Variants in PCDH15 observed in about 807,000 individuals in gnomAD.
PCDH15 encodes protocadherin related 15.
Under a neutral mutation model 178.5 loss-of-function variants are expected in PCDH15, and 129 were observed. That is an observed-to-expected ratio of 0.72 (90% CI 0.63 to 0.84). The LOEUF (loss-of-function observed/expected upper bound fraction) is 0.84. PCDH15 is among the 40% of genes least tolerant of loss of function. The probability of loss-of-function intolerance (pLI) is 0.00; values close to 1 mark genes in which losing one functional copy is unlikely to be tolerated. For missense variants in PCDH15, 2,230 were observed against 2,099.9 expected (o/e 1.06, Z -1.21); for synonymous variants, 800 against 732.0 (o/e 1.09, Z -1.50).
At chr10:54,332,900 T>C (rs745372978) in intron 6 of PCDH15, among the ~76,000 whole-genome samples, 1 of 152,224 alleles carries the variant, frequency 6.6e-6, no homozygotes, top group East Asian at 1.9e-4. Context: ...AGAGATTTTA[T>C]AGATTCTTAG....
intron 2 of PCDH15, among the ~76,000 whole-genome samples, chr10:54,968,183 A>G (rs1240115895): frequency 1.3e-5 from 2 of 152,160 alleles, no homozygotes; most frequent in Admixed American, 1.3e-4. Flanking sequence ...TTAAACTGCT[A>G]ATCTGTATTC....
At chr10:54,502,610 T>C (rs2080798711) in intron 3 of PCDH15, among the ~76,000 whole-genome samples, 1 of 152,142 alleles carries the variant, frequency 6.6e-6, no homozygotes, top group African/African-American at 2.4e-5. Context: ...ACACAGAGTT[T>C]ATGGTTTAAC....
chr10:55,056,530 TTTTC>T lies in PCDH15; in HGVS notation c.-80+110042_-80+110045del, dbSNP rs1036725499. 1.3e-3 allele frequency among the ~76,000 whole-genome samples: 7 copies of T among 5,532 alleles called. No individual in the cohort carries two copies. The African/African-American group carries it at 0.053, about 42-fold the overall frequency. 3.6% of individuals were successfully genotyped at this position (5,532 alleles called of 152,430 possible). A position where few individuals can be genotyped will look rare whatever the true frequency, so the allele number is the denominator to read the frequency against. ...CTTGACTTCAAAATCTAAGTTTCCA[TTTTC>T]TCTCTCTCTACCTCAATAAGACTCT... On this transcript the variant is annotated intron_variant, in intron 2 of 5. Coordinates refer to the PCDH15 transcript ENST00000458638.
chr10:54,825,714 G>C (rs1186289969), intron 3 of PCDH15, among the ~76,000 whole-genome samples: 1 of 151,946 alleles, frequency 6.6e-6, no homozygotes, highest in Non-Finnish European at 1.5e-5. Context: ...CATTTTTGAT[G>C]GGGTTGTTTG....
intron 3 of PCDH15, among the ~76,000 whole-genome samples, chr10:54,479,554 A>G (rs543417603): frequency 6.6e-6 from 1 of 152,144 alleles, no homozygotes; most frequent in African/African-American, 2.4e-5. Flanking sequence ...TTACATTAAA[A>G]AGTAAAAGAT....
intron 3 of PCDH15, among the ~76,000 whole-genome samples, chr10:54,394,054 AAGAG>A: frequency 6.6e-6 from 1 of 152,254 alleles, no homozygotes; most frequent in East Asian, 1.9e-4. Flanking sequence ...GAAGGAAAGA[AAGAG>A]AGATGAAGAA....
intron 13 of PCDH15, among the ~76,000 whole-genome samples, chr10:54,180,187 G>C (rs2047854045): frequency 1.3e-5 from 2 of 152,166 alleles, no homozygotes; most frequent in Admixed American, 6.5e-5. Flanking sequence ...TCCTCTAAGT[G>C]TTGTTCATGA....
intron 1 of PCDH15, among the ~76,000 whole-genome samples, chr10:55,174,175 A>G (rs750985940): frequency 6.6e-6 from 1 of 152,156 alleles, no homozygotes; most frequent in Non-Finnish European, 1.5e-5. Context: ...TTTGGAAGGC[A>G]TCTTTTAGTT....
At chr10:55,382,245 C>T (rs537677243) in intron 2 of PCDH15, among the ~76,000 whole-genome samples, 13 of 152,010 alleles carry the variant, frequency 8.6e-5, no homozygotes, top group Middle Eastern at 6.8e-3. Flanking sequence ...AATAATGGTC[C>T]CCTAAAGAGG....
intron 1 of PCDH15, among the ~76,000 whole-genome samples, chr10:54,769,763 A>C (rs914275066): frequency 6.6e-5 from 10 of 152,010 alleles, no homozygotes; most frequent in African/African-American, 2.4e-4. Flanking sequence ...CCTCAACAGT[A>C]TTTCTTCCTG....
In PCDH15 at chr10:54,483,713, C is replaced by T. The variant is rs1423633185; in HGVS notation, c.157+44099G>A. 4.6e-5 allele frequency among the ~76,000 whole-genome samples: 7 copies of T among 151,768 alleles called. No individual in the cohort carries two copies. The East Asian group carries it at 1.4e-3, about 29-fold the overall frequency. On this transcript the variant is annotated intron_variant, in intron 3 of 37. Coordinates refer to ENST00000644397, the MANE Select transcript of PCDH15 (RefSeq NM_001384140.1). ...ACTCCATTTTTTTTCTCCTTTATTTCTTCCACTTTTTCTTTTGAAAGGTAC... is the reference window on the plus strand; with the variant it reads ...ACTCCATTTTTTTTCTCCTTTATTTTTTCCACTTTTTCTTTTGAAAGGTAC...
chr10:54,456,659 G>A (rs569639809), intron 3 of PCDH15, among the ~76,000 whole-genome samples: 5 of 152,102 alleles, frequency 3.3e-5, no homozygotes, highest in African/African-American at 9.7e-5. Context: ...ATGTGAGTAC[G>A]TGAGATTTGG....
rs759463903 is a variant in PCDH15, at chr10:53,831,572, C to A, written c.3984-39G>T. ...TAAATAGTAAAATTAATGATGCTAG[C>A]AGAGAAAGAGCATTTTAAAAATAAA... On this transcript the variant is annotated intron_variant, in intron 29 of 37. Coordinates refer to ENST00000644397, the MANE Select transcript of PCDH15 (RefSeq NM_001384140.1). The A allele has an allele frequency of 2.0e-5, 28 of 1,383,442 alleles. No individual in the cohort carries two copies. In the Admixed American group the frequency reaches 4.9e-4, roughly 24 times the overall value. 85.7% of individuals were successfully genotyped at this position (1,383,442 alleles called of 1,614,324 possible).
intron 5 of PCDH15, among the ~76,000 whole-genome samples, chr10:54,356,413 T>A (rs950527360): frequency 6.6e-6 from 1 of 151,964 alleles, no homozygotes; most frequent in African/African-American, 2.4e-5. Flanking sequence ...AAATACACAA[T>A]AAAGTAGTAA....
Position 54,346,492 on chromosome 10 carries a change from G to GA in PCDH15, c.475-9dup, listed in dbSNP as rs1157582942. 6.2e-7 allele frequency: 1 copy of GA among 1,612,894 alleles called. No individual in the cohort carries two copies. The highest frequency in any genetic ancestry group is 8.5e-7 in the Non-Finnish European group (1 of 1,179,692). Reference sequence around the variant, plus strand: ...GGTACCAACTGGAGTGAGCTGAAAGGAAAAAAGATTTTAAATATCAATTTT... The same window carrying GA: ...GGTACCAACTGGAGTGAGCTGAAAGGAAAAAAAGATTTTAAATATCAATTTT... On this transcript the variant is annotated splice_polypyrimidine_tract_variant and intron_variant, in intron 5 of 37. Transcript: ENST00000644397.
intron 1 of PCDH15, among the ~76,000 whole-genome samples, chr10:55,215,332 C>T (rs1003230947): frequency 1.3e-5 from 2 of 152,074 alleles, no homozygotes; most frequent in African/African-American, 4.8e-5. Context: ...TCAGTGTGTA[C>T]TTAGGCCTGA....
intron 28 of PCDH15, 144 bp downstream of exon 28, chr10:53,857,031 C>T (rs2078794925): frequency 6.1e-6 from 4 of 654,564 alleles, no homozygotes; most frequent in Admixed American, 5.5e-5. Context: ...TTGGCACACT[C>T]GAAGCCTAAA....
chr10:54,566,444 A>G (rs56153447), intron 2 of PCDH15, among the ~76,000 whole-genome samples: 32,633 of 152,068 alleles, frequency 0.21, 3,579 homozygotes, highest in Middle Eastern at 0.32. Context: ...TTATAGTATC[A>G]TACAGACTTA....
chr10:55,255,164 C>T (rs2132228288), intron 1 of PCDH15, among the ~76,000 whole-genome samples: 1 of 152,308 alleles, frequency 6.6e-6, no homozygotes, highest in African/African-American at 2.4e-5. Context: ...CATGTATTCT[C>T]GTTGTTCAAT....
Sources: gnomAD v4.1 joint callset for allele counts (sites outside exome capture counted in the v4.1 genomes callset) on GRCh38, gnomAD v4.1.1 for gene constraint, MANE v1.5 for transcripts, NCBI Gene and HGNC (gene_info 2026-07-23, HGNC 2026-07-21) for gene names.